Variants in PNPT1 observed in about 807,000 individuals in gnomAD.
The protein encoded by PNPT1 is polyribonucleotide nucleotidyltransferase 1.
In PNPT1, 53 loss-of-function variants were observed where a neutral mutation model predicts 119.5. The observed-to-expected ratio is 0.44, with a 90% CI of 0.36 to 0.56. PNPT1 has a LOEUF of 0.56. Among genes scored for constraint, PNPT1 ranks in the 20% least tolerant of loss-of-function variants. The pLI is 0.00. For synonymous variants in PNPT1, 357 were observed against 322.1 expected (o/e 1.11, Z -1.16); for missense variants, 948 against 938.5 (o/e 1.01, Z -0.13).
chr2:55,652,993 G>A (rs1019668395), intron 18 of PNPT1, among the ~76,000 whole-genome samples: 2 of 152,104 alleles, frequency 1.3e-5, no homozygotes, highest in South Asian at 2.1e-4. Flanking sequence ...GATTACAGGC[G>A]TGGGCCACCA....
At chr2:55,685,920 C>T (rs1253510238) in intron 3 of PNPT1, among the ~76,000 whole-genome samples, 2 of 151,962 alleles carry the variant, frequency 1.3e-5, no homozygotes, top group African/African-American at 2.4e-5. Context: ...GTTTTTATAC[C>T]GTATTGCGTA....
intron 8 of PNPT1, among the ~76,000 whole-genome samples, chr2:55,674,831 C>T (rs2104134589): frequency 6.6e-6 from 1 of 152,242 alleles, no homozygotes; most frequent in South Asian, 2.1e-4. Flanking sequence ...CTTCTGATAC[C>T]ATGATACTGA....
At chr2:55,687,547 C>T (rs1484553945) in intron 2 of PNPT1, 98 bp downstream of exon 2, 2 of 865,718 alleles carry the variant, frequency 2.3e-6, no homozygotes, top group African/African-American at 1.7e-5. Flanking sequence ...ATTTCCAGTA[C>T]CAAAATTCTA....
intron 26 of PNPT1, among the ~76,000 whole-genome samples, chr2:55,638,818 G>T (rs932239858): frequency 1.9e-4 from 28 of 150,284 alleles, no homozygotes; most frequent in Admixed American, 1.6e-3. Flanking sequence ...TCTGTCATCC[G>T]GGCTGGAGTA....
At chr2:55,647,731 C>T (rs1023059102) in intron 18 of PNPT1, among the ~76,000 whole-genome samples, 8 of 151,904 alleles carry the variant, frequency 5.3e-5, no homozygotes, top group African/African-American at 1.9e-4. Context: ...CCATGTTGGC[C>T]CTGTTGGTCT....
At chr2:55,666,185 G>A (rs1696723873) in intron 13 of PNPT1, among the ~76,000 whole-genome samples, 1 of 152,168 alleles carries the variant, frequency 6.6e-6, no homozygotes. Context: ...TGAGGAGGTG[G>A]GGGGCAGGAA....
chr2:55,668,054 A>C (rs1415040224), intron 11 of PNPT1, 96 bp from the exon 12 acceptor site: 2 of 1,070,740 alleles, frequency 1.9e-6, no homozygotes, highest in Non-Finnish European at 2.7e-6. Flanking sequence ...AACTACGGGA[A>C]TCAACCAAGG....
intron 26 of PNPT1, among the ~76,000 whole-genome samples, chr2:55,640,202 G>A (rs1377452422): frequency 6.6e-6 from 1 of 151,776 alleles, no homozygotes; most frequent in Non-Finnish European, 1.5e-5. Flanking sequence ...TCGCCAGACT[G>A]GAGTGCAGTG....
At position 55,646,415 on chromosome 2, in the gene PNPT1, C is replaced by G; in HGVS notation, c.1674G>C (p.Gln558His). The change falls in exon 20 of 28, where the codon CAG becomes CAC. Residue 558 changes from glutamine to histidine, a missense_variant and splice_region_variant. Coordinates refer to ENST00000447944, the MANE Select transcript of PNPT1 (RefSeq NM_033109.5). ...AGTNKGITAL[Q>H]ADIKLPGIPI... Reference sequence around the variant, plus strand: ...GAAACAAAATGGGTTTTAAAAATACCTGTAATGCAGTTATTCCTTTATTAG... The same window carrying G: ...GAAACAAAATGGGTTTTAAAAATACGTGTAATGCAGTTATTCCTTTATTAG... 1 of 1,611,988 alleles carries G rather than the reference C, an allele frequency of 6.2e-7. No individual in the cohort carries two copies. The highest frequency in any genetic ancestry group is 8.5e-7 in the Non-Finnish European group (1 of 1,178,970).
At chr2:55,660,082 C>T in intron 15 of PNPT1, 75 bp downstream of exon 15, 1 of 1,409,236 alleles carries the variant, frequency 7.1e-7, no homozygotes, top group Non-Finnish European at 9.5e-7. Context: ...CCAGCCTGGA[C>T]AACAGGGTGA....
At chr2:55,675,881 A>C (rs1822513) in intron 8 of PNPT1, among the ~76,000 whole-genome samples, 47,213 of 152,046 alleles carry the variant, frequency 0.31, 7,528 homozygotes, top group South Asian at 0.39. Context: ...CCACATGATC[A>C]GATATAAAAC....
intron 18 of PNPT1, among the ~76,000 whole-genome samples, chr2:55,652,341 G>A (rs1391643498): frequency 1.3e-5 from 2 of 152,138 alleles, no homozygotes; most frequent in African/African-American, 4.8e-5. Context: ...CACAGGACTT[G>A]ACATTCATTC....
At chr2:55,653,863 A>T (rs1476436663) in intron 18 of PNPT1, among the ~76,000 whole-genome samples, 1 of 152,182 alleles carries the variant, frequency 6.6e-6, no homozygotes, top group African/African-American at 2.4e-5. Flanking sequence ...GTGTTAAGTT[A>T]TCAGAGAAAT....
chr2:55,640,676 G>A lies in PNPT1; in HGVS notation c.2099C>T (p.Pro700Leu). 3 of 1,591,104 alleles carry A rather than the reference G, an allele frequency of 1.9e-6. No homozygotes were observed. The highest frequency in any genetic ancestry group is 2.6e-6 in the Non-Finnish European group (3 of 1,161,024). The change falls in exon 26 of 28, where the codon CCA (proline) becomes CTA (leucine). Residue 700 changes from proline to leucine, a missense_variant. Transcript: ENST00000447944. ...ATGAAGCAGTACCGCAGTCATATTT[G>A]GATATAATTTTACCATTACACCAGT... ...RDTGVMVKLY[P>L]NMTAVLLHNT...
chr2:55,660,780 T>A (rs182314795), intron 14 of PNPT1, among the ~76,000 whole-genome samples: 108 of 152,272 alleles, frequency 7.1e-4, no homozygotes, highest in Middle Eastern at 3.4e-3. Context: ...TGCCCCTTTA[T>A]TTACACAGGT....
At chr2:55,692,107 A>T (rs2104201156) in intron 1 of PNPT1, among the ~76,000 whole-genome samples, 1 of 151,506 alleles carries the variant, frequency 6.6e-6, no homozygotes, top group East Asian at 1.9e-4. Context: ...CTGGTCTCGA[A>T]CTCCTGACCT....
In PNPT1 at chr2:55,680,716, A is replaced by G; in HGVS notation, c.561T>C (p.Pro187=). 6.2e-7 allele frequency: 1 copy of G among 1,612,210 alleles called. No individual in the cohort carries two copies. The highest frequency in any genetic ancestry group is 1.1e-5 in the South Asian group (1 of 90,456). Residue 187 remains proline (P), a synonymous_variant, in exon 7 of 28, where the codon CCT becomes CCC. Transcript: ENST00000447944. ...LSLSDIPWNG[P]VGAVRIGIID... ...TACTTTTAAATCCTAACTTACCAACAGGTCCATTCCAAGGAATATCTGATA... is the reference window on the plus strand; with the variant it reads ...TACTTTTAAATCCTAACTTACCAACGGGTCCATTCCAAGGAATATCTGATA...
chr2:55,688,757 CAACAACAACAAA>C (rs1020623708), intron 1 of PNPT1, among the ~76,000 whole-genome samples: 11 of 150,892 alleles, frequency 7.3e-5, no homozygotes, highest in Admixed American at 1.3e-4. Flanking sequence ...ACAACAACAA[CAACAACAACAAA>C]AAACTTTAGA....
At chr2:55,691,878 A>ATATATATTT (rs1326804958) in intron 1 of PNPT1, among the ~76,000 whole-genome samples, 28 of 33,080 alleles carry the variant, frequency 8.5e-4, no homozygotes, top group Non-Finnish European at 1.5e-3. Flanking sequence ...ATATATATAT[A>ATATATATTT]TTTTTTTTTT....
Sources: allele counts gnomAD v4.1 joint callset (sites outside exome capture counted in the v4.1 genomes callset), GRCh38; gene constraint gnomAD v4.1.1; transcripts MANE v1.5; gene names NCBI Gene and HGNC (gene_info 2026-07-23, HGNC 2026-07-21).